The following MAGEA11 variants were observed in gnomAD, a reference collection of about 807,000 sequenced individuals.
MAGEA11 encodes the protein melanoma-associated antigen 11.
In MAGEA11, 1 loss-of-function variant was observed where a neutral mutation model predicts 8.4. The ratio of observed to expected loss-of-function variants is 0.12; its 90% CI spans 0.04 to 0.57. The LOEUF (loss-of-function observed/expected upper bound fraction) is 0.57. MAGEA11 is among the 20% of genes least tolerant of loss of function. MAGEA11 has a pLI of 0.91. For missense variants in MAGEA11, 209 were observed against 317.3 expected (o/e 0.66, Z 2.59); for synonymous variants, 127 against 119.3 (o/e 1.06, Z -0.42).
chrX:149,695,009 C>T (rs1479450999), intron 1 of MAGEA11, among the ~76,000 whole-genome samples: 1 of 111,844 alleles, frequency 8.9e-6, no homozygotes, highest in Non-Finnish European at 1.9e-5. Flanking sequence ...CATGAGCCAC[C>T]ACACCCGGCC....
intron 1 of MAGEA11, among the ~76,000 whole-genome samples, chrX:149,689,585 C>T (rs1602916385): frequency 8.9e-6 from 1 of 112,550 alleles, no homozygotes; most frequent in East Asian, 2.8e-4. Context: ...GCAGTGGGCC[C>T]TGATGCCTTA....
At chrX:149,689,893 T>C (rs781956642) in intron 1 of MAGEA11, among the ~76,000 whole-genome samples, 40 of 112,154 alleles carry the variant, frequency 3.6e-4, no homozygotes, top group Non-Finnish European at 6.2e-4. Context: ...CTTCTACATA[T>C]TTATCTATTC....
At position 149,716,110 on chromosome X, in the gene MAGEA11, G is replaced by T. The variant is rs782565753; in HGVS notation, c.624G>T (p.Ser208=). 1 of 1,210,311 alleles carries T rather than the reference G, an allele frequency of 8.3e-7. No homozygotes were observed. The highest frequency in any genetic ancestry group is 1.7e-5 in the African/African-American group (1 of 57,258). The stretch of plus-strand genomic sequence containing the variant: ...AAGAAAAGGAGGGGCCAAGTACCTC[G>T]CCTGACCTGATAGACCCTGAGTCCT... The part of the protein sequence containing the change: ...GSQEKEGPST[S]PDLIDPESFS... The change falls in exon 5 of 5, where the codon TCG becomes TCT. Residue 208 remains serine (S), a synonymous_variant. Coordinates refer to ENST00000355220, the MANE Select transcript of MAGEA11 (RefSeq NM_005366.5).
intron 1 of MAGEA11, among the ~76,000 whole-genome samples, chrX:149,691,508 A>G (rs1557360135): frequency 9.0e-6 from 1 of 111,724 alleles, no homozygotes; most frequent in Non-Finnish European, 1.9e-5. Flanking sequence ...TTTCTTGAAA[A>G]TAGTGGCATT....
upstream of MAGEA11, among the ~76,000 whole-genome samples, chrX:149,709,142 G>A (rs5983921): frequency 1.7e-4 from 19 of 109,566 alleles, no homozygotes; most frequent in South Asian, 5.7e-3. Flanking sequence ...AAAATTAGCC[G>A]GGTGTGGTAG....
chrX:149,697,558 G>C (rs1245989040), intron 1 of MAGEA11, among the ~76,000 whole-genome samples: 1 of 110,433 alleles, frequency 9.1e-6, no homozygotes, highest in Non-Finnish European at 1.9e-5. Flanking sequence ...TGATGCCCCT[G>C]AGTCTTTTTG....
chrX:149,700,833 G>A (rs1557360946), intron 1 of MAGEA11, among the ~76,000 whole-genome samples: 1 of 102,921 alleles, frequency 9.7e-6, no homozygotes, highest in Non-Finnish European at 2.0e-5. Flanking sequence ...TTTTGTTCTT[G>A]CGATAGTTTA....
intron 1 of MAGEA11, among the ~76,000 whole-genome samples, chrX:149,706,533 T>C (rs183120716): frequency 3.5e-5 from 4 of 112,871 alleles, no homozygotes; most frequent in Non-Finnish European, 7.5e-5. Context: ...AGCATTCTTT[T>C]ATTATTTACC....
chrX:149,702,226 T>C (rs1401056617), intron 1 of MAGEA11, among the ~76,000 whole-genome samples: 1 of 111,866 alleles, frequency 8.9e-6, no homozygotes, highest in African/African-American at 3.2e-5. Context: ...TCTATAGTCA[T>C]GGCGACCTTC....
chrX:149,706,664 C>T (rs782551577), intron 1 of MAGEA11, among the ~76,000 whole-genome samples: 1 of 111,898 alleles, frequency 8.9e-6, no homozygotes, highest in Non-Finnish European at 1.9e-5. Flanking sequence ...TGTTCATAAG[C>T]CTCAGCACTG....
At chrX:149,693,708 TAAC>T (rs1557360334) in intron 1 of MAGEA11, among the ~76,000 whole-genome samples, 1 of 112,200 alleles carries the variant, frequency 8.9e-6, no homozygotes, top group South Asian at 3.7e-4. Flanking sequence ...ACCTCCTCAT[TAAC>T]AATCACTTTC....
upstream of MAGEA11, among the ~76,000 whole-genome samples, chrX:149,708,560 G>A (rs2090386740): frequency 8.9e-6 from 1 of 112,073 alleles, no homozygotes; most frequent in African/African-American, 3.2e-5. Flanking sequence ...AGCAGTATTA[G>A]CTAGCAGTAT....
intron 1 of MAGEA11, among the ~76,000 whole-genome samples, chrX:149,689,463 A>T (rs938628191): frequency 8.9e-6 from 1 of 112,215 alleles, no homozygotes; most frequent in African/African-American, 3.2e-5. Context: ...TTTTAACTGA[A>T]GCCTTCCATA....
intron 1 of MAGEA11, among the ~76,000 whole-genome samples, chrX:149,690,751 T>A (rs1170671389): frequency 4.5e-5 from 5 of 111,850 alleles, no homozygotes; most frequent in African/African-American, 1.6e-4. Context: ...TTGATTCCTT[T>A]GTGTAGATCC....
At chrX:149,702,607 G>T (rs1421614034) in intron 1 of MAGEA11, among the ~76,000 whole-genome samples, 1 of 110,847 alleles carries the variant, frequency 9.0e-6, no homozygotes, top group Non-Finnish European at 1.9e-5. Flanking sequence ...TATATAGTTA[G>T]AACAGGATTC....
intron 3 of MAGEA11, among the ~76,000 whole-genome samples, chrX:149,715,323 T>G (rs1464754355): frequency 8.9e-6 from 1 of 111,756 alleles, no homozygotes; most frequent in African/African-American, 3.3e-5. Flanking sequence ...GTGCTTGCAG[T>G]CTGCAGCCTG....
intron 1 of MAGEA11, among the ~76,000 whole-genome samples, chrX:149,699,889 C>A (rs1557360842): frequency 8.9e-6 from 1 of 112,022 alleles, no homozygotes; most frequent in Non-Finnish European, 1.9e-5. Context: ...TAGAAGGCCT[C>A]AGGAAACTTT....
At chrX:149,711,604 A>G (rs1557361885), upstream of MAGEA11, among the ~76,000 whole-genome samples, 7 of 111,644 alleles carry the variant, frequency 6.3e-5, no homozygotes, top group East Asian at 1.4e-3. Flanking sequence ...TCATGAAAGA[A>G]CCAGTAGCCA....
At chrX:149,695,708 A>G (rs1292272021) in intron 1 of MAGEA11, among the ~76,000 whole-genome samples, 2 of 112,637 alleles carry the variant, frequency 1.8e-5, no homozygotes, top group Non-Finnish European at 3.8e-5. Flanking sequence ...ACTATTTCAT[A>G]CTAACTACAA....
Sources: allele counts gnomAD v4.1 joint callset (sites outside exome capture counted in the v4.1 genomes callset), GRCh38; gene constraint gnomAD v4.1.1; transcripts MANE v1.5; gene names NCBI Gene and HGNC (gene_info 2026-07-23, HGNC 2026-07-21).